Variants in ZEB2 observed in about 807,000 individuals in gnomAD.
ZEB2 encodes zinc finger E-box binding homeobox 2.
In ZEB2, 6 loss-of-function variants were observed where a neutral mutation model predicts 99.9. The observed-to-expected ratio is 0.06, with a 90% CI of 0.03 to 0.12. ZEB2 has a LOEUF of 0.12. Ranked by LOEUF, ZEB2 falls within the 10% of genes least tolerant of loss-of-function variation. The pLI is 1.00. For missense variants in ZEB2, 969 were observed against 1,502.8 expected, an observed-to-expected ratio of 0.64 and a Z score of 5.87; for synonymous variants, 517 against 542.5, an observed-to-expected ratio of 0.95 and a Z score of 0.65.
intron 9 of ZEB2, among the ~76,000 whole-genome samples, chr2:144,392,019 G>C (rs1444225379): frequency 6.6e-6 from 1 of 152,176 alleles, no homozygotes; most frequent in Non-Finnish European, 1.5e-5. Context: ...GTTAATGTTA[G>C]ATCATGTTAT....
chr2:144,440,498 TA>T (rs1450408081), intron 2 of ZEB2, among the ~76,000 whole-genome samples: 2 of 13,918 alleles, frequency 1.4e-4, no homozygotes, highest in African/African-American at 4.3e-4. Context: ...TATATATATA[TA>T]TATATATATA....
chr2:144,408,340 AG>A (rs974332500), intron 4 of ZEB2, among the ~76,000 whole-genome samples: 9 of 152,230 alleles, frequency 5.9e-5, no homozygotes, highest in African/African-American at 2.2e-4. Context: ...CAGCTGAGCT[AG>A]GAACTTAGAC....
chr2:144,424,096 T>C (rs1027048696), intron 4 of ZEB2, among the ~76,000 whole-genome samples: 2 of 152,162 alleles, frequency 1.3e-5, no homozygotes, highest in Non-Finnish European at 2.9e-5. Flanking sequence ...TGAGAGAAGA[T>C]GCCATTCAGT....
At chr2:144,463,831 TCAAAAAA>T (rs370910157) in intron 2 of ZEB2, 14,222 of 145,450 alleles carry the variant, frequency 0.098, 770 homozygotes, top group African/African-American at 0.15. Flanking sequence ...AGACCCTGTC[TCAAAAAA>T]CAAAAAACAA....
chr2:144,497,550 T>G (rs938294064), intron 2 of ZEB2, among the ~76,000 whole-genome samples: 1 of 151,950 alleles, frequency 6.6e-6, no homozygotes, highest in Non-Finnish European at 1.5e-5. Flanking sequence ...CTCTCAGGAA[T>G]AAAGGTGAAA....
intron 2 of ZEB2, among the ~76,000 whole-genome samples, chr2:144,468,675 CA>C (rs36037036): frequency 0.78 from 118,267 of 151,860 alleles, 46,457 homozygotes; most frequent in Non-Finnish European, 0.83. Context: ...TACAGTACAA[CA>C]GGGGGTGAGG....
At chr2:144,420,395 CATTATTTATTTAATTACCTCAGTA>C (rs529681706) in intron 4 of ZEB2, among the ~76,000 whole-genome samples, 32 of 152,172 alleles carry the variant, frequency 2.1e-4, no homozygotes, top group Admixed American at 1.6e-3. Context: ...CAACTGGCTT[CATTATTTATTTAATTACCTCAGTA>C]ATTATTTATT....
chr2:144,505,633 G>A (rs1258351157), intron 2 of ZEB2, among the ~76,000 whole-genome samples: 1 of 152,192 alleles, frequency 6.6e-6, no homozygotes, highest in Admixed American at 6.5e-5. Flanking sequence ...GGGTGTGGTT[G>A]AGGAGGTTGC....
chr2:144,409,997 C>T (rs938498231), intron 4 of ZEB2, among the ~76,000 whole-genome samples: 11 of 151,742 alleles, frequency 7.2e-5, no homozygotes, highest in African/African-American at 2.7e-4. Context: ...CTGCCAGCTC[C>T]GTCTCCCAGG....
rs1388428277 is a variant in ZEB2 at position 144,396,552 on chromosome 2, A to T, written c.2927T>A (p.Leu976Gln). The T allele has an allele frequency of 6.2e-7, 1 of 1,613,906 alleles. No homozygotes were observed. Among genetic ancestry groups the T allele is most frequent in the Non-Finnish European group, 8.5e-7 (1 of 1,179,986 alleles). ...GGAGTCGGAGTCTGTCATATCATCTAGGCCTGACATGTAGTCTTGTGCTCC... is the reference window on the plus strand; with the variant it reads ...GGAGTCGGAGTCTGTCATATCATCTTGGCCTGACATGTAGTCTTGTGCTCC... The part of the protein sequence containing the change: ...LDGAQDYMSG[L>Q]DDMTDSDSCL... The change falls in exon 9 of 10, where the codon CTA (leucine) becomes CAA (glutamine). Residue 976 changes from leucine to glutamine, a missense_variant. This residue lies in a region of ZEB2 where 346 missense variants were observed against 460.0 expected (regional missense o/e 0.75). Transcript: ENST00000627532.
Position 144,399,761 on chromosome 2 carries a change from T to G in ZEB2, c.1426A>C (p.Met476Leu), listed in dbSNP as rs778246270. The change falls in exon 8 of 10, where the codon ATG (methionine) becomes CTG (leucine). Residue 476 changes from methionine to leucine, a missense_variant. Met to Leu is a conservative substitution (Grantham distance 15). Transcript: ENST00000627532. This position sits in a 1 kb window ranked among gnomAD's most constrained non-coding sequence, Gnocchi z 5.6. ...GAAATTTCTTCAGCCTTGCAGTCCA[T>G]TTTTTGCCTGGAAACAGTATTGTCC... is the stretch of plus-strand genomic sequence containing the variant. ...IVDNTVSRQK[M>L]DCKAEEISKL... is the part of the protein sequence containing the mutation. 3.1e-6 allele frequency: 5 copies of G among 1,613,884 alleles called. No individual in the cohort carries two copies. The Admixed American group carries it at 8.3e-5, about 27-fold the overall frequency.
At chr2:144,396,651 C>G in intron 8 of ZEB2, 59 bp from the exon 9 acceptor site, 3 of 1,567,886 alleles carry the variant, frequency 1.9e-6, no homozygotes, top group Non-Finnish European at 2.6e-6. Flanking sequence ...CACCAAACAA[C>G]TTCACATAGG....
chr2:144,416,091 G>A (rs1334838040), intron 4 of ZEB2, among the ~76,000 whole-genome samples: 1 of 152,174 alleles, frequency 6.6e-6, no homozygotes, highest in Non-Finnish European at 1.5e-5. Flanking sequence ...AACCAGAACC[G>A]CGAACTTTCG....
chr2:144,422,475 A>T (rs1172362706), intron 4 of ZEB2, among the ~76,000 whole-genome samples: 1 of 152,196 alleles, frequency 6.6e-6, no homozygotes, highest in Non-Finnish European at 1.5e-5. Flanking sequence ...GTGAATGCCC[A>T]TTCCATAGAC....
At chr2:144,419,004 AAAAT>A (rs1703583061) in intron 4 of ZEB2, among the ~76,000 whole-genome samples, 1 of 152,178 alleles carries the variant, frequency 6.6e-6, no homozygotes, top group Middle Eastern at 3.2e-3. Context: ...ATAAAGTTAA[AAAAT>A]AAATAAATAA....
At chr2:144,519,684 A>G in intron 1 of ZEB2, 1 of 304,320 alleles carries the variant, frequency 3.3e-6, no homozygotes, top group South Asian at 2.9e-5. Flanking sequence ...GGTACAGGGG[A>G]AATTATTTGG....
At chr2:144,410,872 A>G (rs560453209) in intron 4 of ZEB2, among the ~76,000 whole-genome samples, 9 of 151,782 alleles carry the variant, frequency 5.9e-5, no homozygotes, top group African/African-American at 2.2e-4. Context: ...CAGCAAGTAT[A>G]TGTAAAAAAC....
intron 2 of ZEB2, among the ~76,000 whole-genome samples, chr2:144,481,652 T>G (rs931185863): frequency 1.3e-5 from 2 of 152,216 alleles, no homozygotes; most frequent in Admixed American, 6.5e-5. Context: ...AAATTTTTGA[T>G]GTGAAAAATC....
chr2:144,502,385 A>G (rs750443747), intron 2 of ZEB2, among the ~76,000 whole-genome samples: 2 of 152,290 alleles, frequency 1.3e-5, no homozygotes, highest in Admixed American at 6.5e-5. Flanking sequence ...GAAGTTTCTA[A>G]AAGTGGTAAC....
Sources: gnomAD v4.1 joint callset for allele counts (sites outside exome capture counted in the v4.1 genomes callset) on GRCh38, gnomAD v4.1.1 for gene constraint, gnomAD v4.1.1 regional missense constraint, Gnocchi (gnomAD v3.1) non-coding constraint, MANE v1.5 for transcripts, NCBI Gene and HGNC (gene_info 2026-07-23, HGNC 2026-07-21) for gene names.